Variants in TRIM36 observed in about 807,000 individuals in gnomAD.
The protein encoded by TRIM36 is E3 ubiquitin-protein ligase TRIM36.
TRIM36 carries 42 observed loss-of-function variants against 72.4 expected under a neutral mutation model. The ratio of observed to expected loss-of-function variants is 0.58; its 90% CI spans 0.45 to 0.75. The LOEUF is 0.75. TRIM36 is among the 30% of genes least tolerant of loss of function. The pLI, the probability that TRIM36 is intolerant of heterozygous loss-of-function variation, is 0.00. For missense variants in TRIM36, 913 were observed against 857.1 expected (o/e 1.07, Z -0.81); for synonymous variants, 315 against 282.8 (o/e 1.11, Z -1.14).
chr5:115,165,031 CT>C lies in TRIM36; in HGVS notation c.28-1280del, dbSNP rs545361992. Among the ~76,000 whole-genome samples, 61 of 152,316 alleles carry C rather than the reference CT, an allele frequency of 4.0e-4. No individual in the cohort carries two copies. The South Asian group carries it at 0.012, about 31-fold the overall frequency. ...TCATAAAGCTCACAAGTGAGATCTC[CT>C]TTGACTCAATGTCTCTCATTCAGGG... is the stretch of plus-strand genomic sequence containing the variant. On this transcript the variant is annotated intron_variant, in intron 1 of 9. Coordinates refer to ENST00000513154, the MANE Select transcript of TRIM36 (RefSeq NM_001300759.2).
intron 1 of TRIM36, among the ~76,000 whole-genome samples, chr5:115,175,062 A>C (rs1755273190): frequency 6.6e-6 from 1 of 152,216 alleles, no homozygotes; most frequent in Admixed American, 6.5e-5. Context: ...TAGATTTAGT[A>C]AATAAGAACA....
Position 115,125,135 on chromosome 5 carries a change from A to C in TRIM36, c.*1368T>G, listed in dbSNP as rs1334246296. ...GATTTCCATTAAAAATATAACAACA[A>C]GGACAACCAAAAAAAACAGGCCTAA... On this transcript the variant is annotated 3_prime_UTR_variant, in exon 10 of 10. Coordinates refer to ENST00000513154, the MANE Select transcript of TRIM36 (RefSeq NM_001300759.2). 1 of 152,346 alleles carries C rather than the reference A, an allele frequency of 6.6e-6. No individual in the cohort carries two copies. The highest frequency in any genetic ancestry group is 2.4e-5 in the African/African-American group (1 of 41,454). 9.4% of individuals were successfully genotyped at this position (152,346 alleles called of 1,614,324 possible).
intron 2 of TRIM36, among the ~76,000 whole-genome samples, chr5:115,155,686 T>C (rs1042201481): frequency 2.6e-5 from 4 of 152,308 alleles, no homozygotes; most frequent in African/African-American, 9.6e-5. Flanking sequence ...AACCCATCTA[T>C]GACAAACCCA....
chr5:115,163,746 T>G lies in TRIM36; in HGVS notation c.34A>C (p.Ile12Leu). The change falls in exon 2 of 10, where the codon ATT becomes CTT. Residue 12 changes from isoleucine to leucine, a missense_variant. Physicochemically the swap from Ile to Leu is conservative, Grantham distance 5. Coordinates refer to ENST00000513154, the MANE Select transcript of TRIM36 (RefSeq NM_001300759.2). ...EGDGSDSPVT[I>L]KNIERELICP... ...ATGAGCTCCCTTTCGATATTCTTAATGGTAACCTTGAGAGTAAAATAGTCC... is the reference window on the plus strand; with the variant it reads ...ATGAGCTCCCTTTCGATATTCTTAAGGGTAACCTTGAGAGTAAAATAGTCC... 1 of 1,613,948 alleles carries G rather than the reference T, an allele frequency of 6.2e-7. No individual in the cohort carries two copies.
At chr5:115,174,351 G>A (rs990131895), upstream of TRIM36, 10 of 152,128 alleles carry the variant, frequency 6.6e-5, no homozygotes, top group Non-Finnish European at 1.3e-4. Context: ...AGCAGCCATA[G>A]GTATAAAATC....
chr5:115,147,208 G>A lies in TRIM36; in HGVS notation c.449C>T (p.Pro150Leu). The A allele has an allele frequency of 6.2e-7, 1 of 1,614,154 alleles. No homozygotes were observed. The highest frequency in any genetic ancestry group is 2.2e-5 in the East Asian group (1 of 44,882). ...GCTTTTTGTGGATTCTTGAGGTGGT[G>A]GTTTACAAAGGTCACACATAATGGC... ...ATAIMCDLCK[P>L]PPQESTKSCM... The change falls in exon 3 of 10, where the codon CCA (proline) becomes CTA (leucine). Residue 150 changes from proline (P) to leucine (L), a missense_variant. Physicochemically the swap from Pro to Leu is moderately conservative, Grantham distance 98. Coordinates refer to ENST00000513154, the MANE Select transcript of TRIM36 (RefSeq NM_001300759.2).
Position 115,169,751 on chromosome 5 carries a change from A to C in TRIM36, c.-117T>G. On this transcript the variant is annotated 5_prime_UTR_variant, in exon 1 of 10. Coordinates refer to ENST00000513154, the MANE Select transcript of TRIM36 (RefSeq NM_001300759.2). ...TGGAGCCTCGGTCCGAAGCTGGAAG[A>C]TGAGCTGGTCAGCTGTACGTGGCCA... 1 of 1,427,734 alleles carries C rather than the reference A, an allele frequency of 7.0e-7. No individual in the cohort carries two copies. The highest frequency in any genetic ancestry group is 1.4e-5 in the South Asian group (1 of 70,572). The allele number at this position is 1,427,734 out of a possible 1,614,324, so 88.4% of individuals were successfully genotyped here.
chr5:115,171,360 A>G (rs532569983), upstream of TRIM36: 907 of 1,263,228 alleles, frequency 7.2e-4, 7 homozygotes, highest in South Asian at 0.013. Flanking sequence ...TCTGATCCGG[A>G]TTAATGCCCG....
chr5:115,170,693 C>A (rs1357019305), upstream of TRIM36, among the ~76,000 whole-genome samples: 2 of 152,226 alleles, frequency 1.3e-5, no homozygotes, highest in African/African-American at 2.4e-5. Context: ...GCGCGGGGAC[C>A]GCCTGCAGGG....
intron 2 of TRIM36, among the ~76,000 whole-genome samples, chr5:115,150,245 T>C (rs549635879): frequency 3.3e-5 from 5 of 152,186 alleles, no homozygotes; most frequent in Non-Finnish European, 7.3e-5. Context: ...AAGAACAAAA[T>C]GGAAGAGTCA....
chr5:115,135,039 A>G (rs1289081227), intron 7 of TRIM36, among the ~76,000 whole-genome samples: 2 of 152,154 alleles, frequency 1.3e-5, no homozygotes, highest in Non-Finnish European at 2.9e-5. Flanking sequence ...TTTCCCCCTC[A>G]ATGGTATACT....
intron 1 of TRIM36, chr5:115,177,673 T>C (rs1347153305): frequency 6.2e-7 from 1 of 1,606,524 alleles, no homozygotes; most frequent in African/African-American, 1.3e-5. Context: ...GAAATAAGCT[T>C]ACGTTGAAAT....
upstream of TRIM36, among the ~76,000 whole-genome samples, chr5:115,172,171 T>C (rs1015425598): frequency 6.6e-6 from 1 of 152,214 alleles, no homozygotes; most frequent in Non-Finnish European, 1.5e-5. Context: ...GCCTCTCTTA[T>C]TTTGCTCAAA....
chr5:115,130,040 G>T (rs1328288729), intron 9 of TRIM36, among the ~76,000 whole-genome samples: 1 of 152,020 alleles, frequency 6.6e-6, no homozygotes, highest in Non-Finnish European at 1.5e-5. Flanking sequence ...TGTTAAGCTG[G>T]GATACTGTTC....
At chr5:115,141,681 GCT>G (rs1220974429) in intron 4 of TRIM36, among the ~76,000 whole-genome samples, 1 of 152,038 alleles carries the variant, frequency 6.6e-6, no homozygotes, top group African/African-American at 2.4e-5. Flanking sequence ...CATTCCTAGA[GCT>G]CCTGCTCCTA....
chr5:115,170,088 C>A (rs1755028790), upstream of TRIM36: 2 of 599,556 alleles, frequency 3.3e-6, no homozygotes, highest in East Asian at 2.6e-4. Context: ...GTGGGTGTGG[C>A]ACGCGGTTGG....
intron 9 of TRIM36, among the ~76,000 whole-genome samples, chr5:115,127,945 G>T (rs907093276): frequency 6.6e-6 from 1 of 151,982 alleles, no homozygotes; most frequent in African/African-American, 2.4e-5. Context: ...GACAAGACGT[G>T]GAAGTGGAAG....
At chr5:115,149,358 T>C (rs1184402472) in intron 2 of TRIM36, 2 of 151,906 alleles carry the variant, frequency 1.3e-5, no homozygotes, top group African/African-American at 4.8e-5. Context: ...GAAATTCATA[T>C]ATAATCGCAG....
upstream of TRIM36, among the ~76,000 whole-genome samples, chr5:115,171,487 A>T (rs1484726304): frequency 6.6e-6 from 1 of 152,202 alleles, no homozygotes; most frequent in Non-Finnish European, 1.5e-5. Flanking sequence ...ATATATATAC[A>T]TATATTTAAA....
Sources: allele counts gnomAD v4.1 joint callset (sites outside exome capture counted in the v4.1 genomes callset), GRCh38; gene constraint gnomAD v4.1.1; transcripts MANE v1.5; gene names NCBI Gene and HGNC (gene_info 2026-07-23, HGNC 2026-07-21).